NDUFB5: variants seen among roughly 807,000 people sequenced by gnomAD.
NDUFB5 encodes the protein NADH:ubiquinone oxidoreductase subunit B5, also known as NADH dehydrogenase [ubiquinone] 1 beta subcomplex subunit 5, mitochondrial.
A neutral mutation model predicts 19.4 loss-of-function variants in NDUFB5; 19 were observed. That is an observed-to-expected ratio of 0.98 (90% CI 0.68 to 1.43). The LOEUF (loss-of-function observed/expected upper bound fraction) is 1.43. NDUFB5 is among the 40% of genes most tolerant of loss of function. The pLI, the probability that NDUFB5 is intolerant of heterozygous loss-of-function variation, is 0.00. For missense variants in NDUFB5, 233 were observed against 236.5 expected, an observed-to-expected ratio of 0.99 and a Z score of 0.10; for synonymous variants, 80 against 82.6, an observed-to-expected ratio of 0.97 and a Z score of 0.17.
At chr3:179,612,751 C>T (rs1326340866) in intron 1 of NDUFB5, among the ~76,000 whole-genome samples, 1 of 152,072 alleles carries the variant, frequency 6.6e-6, no homozygotes. Flanking sequence ...GCTGGGATTA[C>T]AGGCGTGAGC....
At chr3:179,619,858 C>T (rs1475095528) in intron 5 of NDUFB5, among the ~76,000 whole-genome samples, 2 of 152,174 alleles carry the variant, frequency 1.3e-5, no homozygotes, top group African/African-American at 4.8e-5. Context: ...TCTCCAGCAC[C>T]TGTTGTTTCC....
intron 5 of NDUFB5, among the ~76,000 whole-genome samples, 161 bp downstream of exon 5, chr3:179,618,682 A>G (rs1352256904): frequency 2.0e-5 from 3 of 152,084 alleles, no homozygotes; most frequent in Admixed American, 2.0e-4. Context: ...TAATCCCAGC[A>G]CTTTGGGAGG....
Position 179,626,333 on chromosome 3 carries a change from A to C in NDUFB5, c.*2293A>C, listed in dbSNP as rs1719668660. On this transcript the variant is annotated 3_prime_UTR_variant, in exon 6 of 6. Transcript: ENST00000259037. ...TCTGGGCTTCCACATCCTGGGCTCA[A>C]GTGATCATTCCACCTCAGGATGACC... 6.6e-6 allele frequency: 1 copy of C among 151,842 alleles called. No homozygotes were observed. Among genetic ancestry groups the C allele is most frequent in the Non-Finnish European group, 1.5e-5 (1 of 67,994 alleles). 9.4% of individuals were successfully genotyped at this position (151,842 alleles called of 1,614,324 possible).
chr3:179,605,548 C>T (rs1292749102), intron 1 of NDUFB5, among the ~76,000 whole-genome samples: 3 of 151,856 alleles, frequency 2.0e-5, no homozygotes, highest in Non-Finnish European at 4.4e-5. Context: ...TCACTGCAAC[C>T]TCCGCCTCCT....
At chr3:179,617,093 G>A (rs779128213) in intron 4 of NDUFB5, 49 bp downstream of exon 4, 15 of 1,350,438 alleles carry the variant, frequency 1.1e-5, no homozygotes, top group Non-Finnish European at 5.2e-6. Flanking sequence ...CCTTGTCAAC[G>A]CACTAGTTAA....
At chr3:179,611,268 ACT>A (rs1176392007) in intron 1 of NDUFB5, among the ~76,000 whole-genome samples, 1 of 152,180 alleles carries the variant, frequency 6.6e-6, no homozygotes, top group East Asian at 1.9e-4. Flanking sequence ...GGAGAATTTA[ACT>A]CTTAGAATCA....
rs1369818382 is a variant in NDUFB5 at position 179,614,952 on chromosome 3, G to C, written c.125-19G>C. On this transcript the variant is annotated intron_variant, in intron 1 of 5. Transcript: ENST00000259037. ...CCCATATGAACCTTGTATAAAACAG[G>C]GTAATTCAATATTCCCAGCTCCTGT... 3 of 1,548,760 alleles carry C rather than the reference G, an allele frequency of 1.9e-6. No homozygotes were observed. Among genetic ancestry groups the C allele is most frequent in the Non-Finnish European group, 2.7e-6 (3 of 1,124,660 alleles).
intron 1 of NDUFB5, among the ~76,000 whole-genome samples, chr3:179,612,072 C>T (rs1281541869): frequency 6.6e-6 from 1 of 151,974 alleles, no homozygotes; most frequent in African/African-American, 2.4e-5. Context: ...GCCTCAGCCT[C>T]CCGAGTAGCT....
chr3:179,623,690 C>T (rs1719592550), intron 5 of NDUFB5, among the ~76,000 whole-genome samples: 1 of 151,904 alleles, frequency 6.6e-6, no homozygotes, highest in African/African-American at 2.4e-5. Context: ...ACAAAAACAA[C>T]AAAAAAACTG....
intron 1 of NDUFB5, among the ~76,000 whole-genome samples, chr3:179,613,208 G>A (rs1435917662): frequency 6.6e-6 from 1 of 152,100 alleles, no homozygotes; most frequent in Non-Finnish European, 1.5e-5. Context: ...ATGCTGCAGG[G>A]CTTTTGAGAG....
intron 5 of NDUFB5, among the ~76,000 whole-genome samples, 187 bp downstream of exon 5, chr3:179,618,708 G>A (rs894155706): frequency 8.5e-5 from 13 of 152,090 alleles, no homozygotes; most frequent in Non-Finnish European, 1.3e-4. Context: ...GAAATTAGCC[G>A]GGCGTGGTGG....
Position 179,618,525 on chromosome 3 carries a change from G to A in NDUFB5, c.449+4G>A, listed in dbSNP as rs772645360. ...AAGCTGAAAAGGCTGAATTACGGTAGGAAAAACGAGGGGGTAGGTGGGAAA... is the reference window on the plus strand; with the variant it reads ...AAGCTGAAAAGGCTGAATTACGGTAAGAAAAACGAGGGGGTAGGTGGGAAA... On this transcript the variant is annotated splice_donor_region_variant and intron_variant, in intron 5 of 5. Coordinates refer to ENST00000259037, the MANE Select transcript of NDUFB5 (RefSeq NM_002492.4). The A allele has an allele frequency of 6.3e-7, 1 of 1,587,660 alleles. No individual in the cohort carries two copies. The highest frequency in any genetic ancestry group is 1.7e-5 in the Admixed American group (1 of 57,974).
chr3:179,608,326 G>C (rs1299529683), intron 1 of NDUFB5, among the ~76,000 whole-genome samples: 1 of 151,972 alleles, frequency 6.6e-6, no homozygotes, highest in Non-Finnish European at 1.5e-5. Context: ...TGAGTAGCTG[G>C]GATTACAGGT....
At chr3:179,619,768 C>T (rs939316520) in intron 5 of NDUFB5, among the ~76,000 whole-genome samples, 2 of 152,324 alleles carry the variant, frequency 1.3e-5, no homozygotes, top group Non-Finnish European at 2.9e-5. Flanking sequence ...CCTGAGGAAT[C>T]GCCACACTGA....
At chr3:179,616,546 C>A (rs4147792) in intron 3 of NDUFB5, among the ~76,000 whole-genome samples, 4 of 151,394 alleles carry the variant, frequency 2.6e-5, no homozygotes, top group South Asian at 2.1e-4. Flanking sequence ...TGTCCCCCCC[C>A]CAAAAAAAAA....
chr3:179,607,504 C>T (rs918277089), intron 1 of NDUFB5, among the ~76,000 whole-genome samples: 3 of 152,128 alleles, frequency 2.0e-5, no homozygotes, highest in African/African-American at 7.2e-5. Flanking sequence ...TTTAACCTGC[C>T]TCAAAAGGTA....
chr3:179,618,349 T>C, intron 4 of NDUFB5, 66 bp from the exon 5 acceptor site: 1 of 954,878 alleles, frequency 1.0e-6, no homozygotes, highest in South Asian at 1.5e-5. Context: ...TTTTAAAGAA[T>C]AGTCAACTAG....
intron 5 of NDUFB5, among the ~76,000 whole-genome samples, chr3:179,622,667 T>C (rs373357456): frequency 1.1e-3 from 170 of 152,290 alleles, no homozygotes; most frequent in African/African-American, 3.7e-3. Flanking sequence ...ATAGTTATAC[T>C]CTAAAGAGTA....
chr3:179,611,114 C>T (rs988835597), intron 1 of NDUFB5, among the ~76,000 whole-genome samples: 1 of 152,082 alleles, frequency 6.6e-6, no homozygotes, highest in Non-Finnish European at 1.5e-5. Flanking sequence ...AACGTATCTT[C>T]ATTTGATTTT....
Sources: allele counts gnomAD v4.1 joint callset (sites outside exome capture counted in the v4.1 genomes callset), GRCh38; gene constraint gnomAD v4.1.1; transcripts MANE v1.5; gene names NCBI Gene and HGNC (gene_info 2026-07-23, HGNC 2026-07-21).